INSRR: variants seen among roughly 807,000 people sequenced by gnomAD.
INSRR encodes insulin receptor-related protein.
Under a neutral mutation model 130.0 loss-of-function variants are expected in INSRR, and 114 were observed. The ratio of observed to expected loss-of-function variants is 0.88; its 90% CI spans 0.75 to 1.02. The LOEUF is 1.02. Among genes scored for constraint, INSRR ranks in the 50% least tolerant of loss-of-function variants. INSRR has a pLI of 0.00. For synonymous variants in INSRR, 674 were observed against 705.2 expected, an observed-to-expected ratio of 0.96 and a Z score of 0.70; for missense variants, 1,657 against 1,735.2, an observed-to-expected ratio of 0.95 and a Z score of 0.80.
chr1:156,840,810 G>T lies in INSRR; in HGVS notation c.*63C>A. Reference sequence around the variant, plus strand: ...TGGGGGTGAACATTCAGGCGTCTCAGCCACAGAGGTCGGGTCCCTTCCTGT... The same window carrying T: ...TGGGGGTGAACATTCAGGCGTCTCATCCACAGAGGTCGGGTCCCTTCCTGT... On this transcript the variant is annotated 3_prime_UTR_variant, in exon 22 of 22. Coordinates refer to ENST00000368195, the MANE Select transcript of INSRR (RefSeq NM_014215.3). 7.7e-7 allele frequency: 1 copy of T among 1,291,558 alleles called. No individual in the cohort carries two copies. Among genetic ancestry groups the T allele is most frequent in the East Asian group, 2.4e-5 (1 of 41,374 alleles). 80.0% of individuals were successfully genotyped at this position (1,291,558 alleles called of 1,614,324 possible). A position where few individuals can be genotyped will look rare whatever the true frequency, so the allele number is the denominator to read the frequency against.
chr1:156,851,615 G>A (rs756630128), intron 4 of INSRR, 31 bp downstream of exon 4: 1 of 1,614,004 alleles, frequency 6.2e-7, no homozygotes, highest in Non-Finnish European at 8.5e-7. Flanking sequence ...ATGACCAGGA[G>A]GAGGGGTGTG....
Position 156,848,958 on chromosome 1 carries a change from G to C in INSRR, c.1534C>G (p.Arg512Gly), listed in dbSNP as rs778994154. The change falls in exon 7 of 22, where the codon CGC becomes GGC. Residue 512 changes from arginine (R) to glycine (G), a missense_variant. By Grantham distance (125) the Arg-to-Gly change is moderately radical. Coordinates refer to ENST00000368195, the MANE Select transcript of INSRR (RefSeq NM_014215.3). ...TACACGATGAAGCTGAGCAGGTCGC[G>C]GGCCTCCAGTGGCTCATAGCGCTCC... Reference protein sequence around the residue: ...RWERYEPLEARDLLSFIVYYK... With the variant: ...RWERYEPLEAGDLLSFIVYYK... 1.2e-5 allele frequency: 19 copies of C among 1,600,460 alleles called. No individual in the cohort carries two copies. Among genetic ancestry groups the C allele is most frequent in the Non-Finnish European group, 1.6e-5 (19 of 1,174,134 alleles).
At chr1:156,849,787 CAGG>C in intron 5 of INSRR, among the ~76,000 whole-genome samples, 1 of 152,042 alleles carries the variant, frequency 6.6e-6, no homozygotes, top group Non-Finnish European at 1.5e-5. Flanking sequence ...TTGGAGACAC[CAGG>C]AGGAGTAGTA....
chr1:156,856,896 G>T (rs1197735081), intron 1 of INSRR, among the ~76,000 whole-genome samples: 1 of 152,016 alleles, frequency 6.6e-6, no homozygotes, highest in East Asian at 1.9e-4. Flanking sequence ...AGGACCTTCC[G>T]TGGCTCCCCA....
intron 2 of INSRR, among the ~76,000 whole-genome samples, chr1:156,852,938 C>T (rs1463446010): frequency 6.6e-6 from 1 of 152,086 alleles, no homozygotes; most frequent in East Asian, 1.9e-4. Context: ...AGGAGCTGAC[C>T]TCCAGGAGCT....
In INSRR at chr1:156,845,251, C is replaced by G. The variant is rs1170620833; in HGVS notation, c.2262G>C (p.Gly754=). The G allele has an allele frequency of 6.2e-7, 1 of 1,611,470 alleles. No individual in the cohort carries two copies. Among genetic ancestry groups the G allele is most frequent in the Admixed American group, 1.7e-5 (1 of 59,652 alleles). The change falls in exon 12 of 22, where the codon GGG becomes GGC. Residue 754 remains glycine (G), a synonymous_variant. Transcript: ENST00000368195. ...HRRAAGPLRL[G]GNSSDFEIQE... ...GGATCTCGAAATCCGAGCTGTTGCCCCCCAGCCGGAGGGGCCCAGCTGCCC... is the reference window on the plus strand; with the variant it reads ...GGATCTCGAAATCCGAGCTGTTGCCGCCCAGCCGGAGGGGCCCAGCTGCCC...
In INSRR at chr1:156,843,441, A is replaced by C; in HGVS notation, c.2882T>G (p.Phe961Cys). The change falls in exon 16 of 22, where the codon TTC (phenylalanine) becomes TGC (cysteine). Residue 961 changes from phenylalanine (F) to cysteine (C), a missense_variant. Coordinates refer to ENST00000368195, the MANE Select transcript of INSRR (RefSeq NM_014215.3). The stretch of plus-strand genomic sequence containing the variant: ...CCCAGACCTACTATCAGAGGCGCTG[A>C]AGTACTCTGGATTCACAGAAGCATA... Reference protein sequence around the residue: ...TLYASVNPEYFSASDMYVPDE... With the variant: ...TLYASVNPEYCSASDMYVPDE... 6.2e-7 allele frequency: 1 copy of C among 1,614,184 alleles called. No homozygotes were observed. The highest frequency in any genetic ancestry group is 8.5e-7 in the Non-Finnish European group (1 of 1,180,022).
At chr1:156,852,371 A>G (rs950211048) in intron 2 of INSRR, among the ~76,000 whole-genome samples, 180 bp from the exon 3 acceptor site, 13 of 152,178 alleles carry the variant, frequency 8.5e-5, no homozygotes, top group Admixed American at 8.5e-4. Flanking sequence ...GAGGACAAGG[A>G]CTGTGGCCGT....
At chr1:156,841,179 C>A in intron 21 of INSRR, 75 bp from the exon 22 acceptor site, 1 of 1,211,490 alleles carries the variant, frequency 8.3e-7, no homozygotes, top group South Asian at 1.3e-5. Flanking sequence ...CACTGAGGGT[C>A]AGTTGGTGGG....
chr1:156,856,413 C>A (rs1318898897), intron 1 of INSRR, among the ~76,000 whole-genome samples: 1 of 152,176 alleles, frequency 6.6e-6, no homozygotes, highest in East Asian at 1.9e-4. Context: ...AATTTGATTA[C>A]TCTTGAAAGG....
rs990358285 is a variant in INSRR at position 156,842,925 on chromosome 1, T to C, written c.3126+79A>G. ...TCTTGACCTTAATGGTGCCCTAACC[T>C]CATCTCTGACCCTTTCTTTCTTACC... On this transcript the variant is annotated intron_variant, in intron 17 of 21. Coordinates refer to ENST00000368195, the MANE Select transcript of INSRR (RefSeq NM_014215.3). 3.2e-5 allele frequency: 36 copies of C among 1,134,594 alleles called. No homozygotes were observed. The African/African-American group carries it at 4.3e-4, about 14-fold the overall frequency. 70.3% of individuals were successfully genotyped at this position (1,134,594 alleles called of 1,614,324 possible).
In INSRR at chr1:156,852,104, T is replaced by A; in HGVS notation, c.725A>T (p.Asp242Val). 1 of 1,613,526 alleles carries A rather than the reference T, an allele frequency of 6.2e-7. No homozygotes were observed. Among genetic ancestry groups the A allele is most frequent in the Non-Finnish European group, 8.5e-7 (1 of 1,179,936 alleles). The change falls in exon 3 of 22, where the codon GAC becomes GTC. Residue 242 changes from aspartate to valine, a missense_variant. Coordinates refer to ENST00000368195, the MANE Select transcript of INSRR (RefSeq NM_014215.3). The stretch of plus-strand genomic sequence containing the variant: ...GCGGCAAGCTACACAGGCACGAGGG[T>A]CTTCTGGCTGGCTGCAGCCCCCCAG... Reference protein sequence around the residue: ...ECLGGCSQPEDPRACVACRHL... With the variant: ...ECLGGCSQPEVPRACVACRHL...
rs758535120 is a variant in INSRR at position 156,844,545 on chromosome 1, T to C, written c.2654A>G (p.Asn885Ser). ...GGTTGCCCTAACCCTGGCAGAGTAGTTTCCAGGGGGCAGCAGGGCCAGGTG... is the reference window on the plus strand; with the variant it reads ...GGTTGCCCTAACCCTGGCAGAGTAGCTTCCAGGGGGCAGCAGGGCCAGGTG... ...GVHLALLPPG[N>S]YSARVRATSL... The change falls in exon 14 of 22, where the codon AAC (asparagine) becomes AGC (serine). Residue 885 changes from asparagine (N) to serine (S), a missense_variant. Asn to Ser is a conservative substitution (Grantham distance 46, BLOSUM62 1). Transcript: ENST00000368195. 1.4e-5 allele frequency: 22 copies of C among 1,614,026 alleles called. No individual in the cohort carries two copies. The highest frequency in any genetic ancestry group is 1.9e-5 in the Non-Finnish European group (22 of 1,180,032).
Position 156,842,405 on chromosome 1 carries a change from T to C in INSRR, c.3230A>G (p.Glu1077Gly). The change falls in exon 18 of 22, where the codon GAG (glutamate) becomes GGG (glycine). Residue 1077 changes from glutamate to glycine, a missense_variant. Transcript: ENST00000368195. ...LKSHLRSLRP[E>G]AENNPGLPQP... is the part of the protein sequence containing the mutation. ...GGTCTTCCTGGTCCCTACCTCTGCC[T>C]CAGGCCGCAAAGATCGAAGATGGCT... 6.2e-7 allele frequency: 1 copy of C among 1,613,892 alleles called. No homozygotes were observed. The highest frequency in any genetic ancestry group is 8.5e-7 in the Non-Finnish European group (1 of 1,179,858).
chr1:156,855,176 T>TTATCTATCTATCGATC (rs1655363812), intron 1 of INSRR, among the ~76,000 whole-genome samples: 1 of 143,462 alleles, frequency 7.0e-6, no homozygotes, highest in South Asian at 2.4e-4. Context: ...CCATCCAATT[T>TTATCTATCTATCGATC]TATCTATCTA....
rs756739852 is a variant in INSRR, at chr1:156,840,930, A to G, written c.3837T>C (p.Pro1279=). The G allele has an allele frequency of 6.2e-7, 1 of 1,614,094 alleles. No homozygotes were observed. Among genetic ancestry groups the G allele is most frequent in the South Asian group, 1.1e-5 (1 of 91,058 alleles). The part of the protein sequence containing the change: ...RGSLPTTDAE[P]DSSPTPRDCS... ...AGTCTCTTGGAGTGGGTGAGGAGTC[A>G]GGCTCTGCATCGGTGGTAGGCAGGG... Residue 1279 remains proline, a synonymous_variant, in exon 22 of 22, where the codon CCT becomes CCC. Transcript: ENST00000368195.
intron 16 of INSRR, 69 bp from the exon 17 acceptor site, chr1:156,843,302 T>G: frequency 6.4e-7 from 1 of 1,569,740 alleles, no homozygotes; most frequent in Admixed American, 1.7e-5. Flanking sequence ...CCAACTTCTC[T>G]TCTCCTCTTC....
In INSRR at chr1:156,843,117, C is replaced by T; in HGVS notation, c.3013G>A (p.Glu1005Lys). ...EGLARGLEAG[E>K]ESTPVALKTV... ...TTCAGGGCCACGGGTGTGGACTCCTCTCCAGCCTCAAGTCCTCGTGCCAGC... is the reference window on the plus strand; with the variant it reads ...TTCAGGGCCACGGGTGTGGACTCCTTTCCAGCCTCAAGTCCTCGTGCCAGC... Residue 1005 changes from glutamate (E) to lysine (K), a missense_variant, in exon 17 of 22, where the codon GAG becomes AAG. By Grantham distance (56) the Glu-to-Lys change is moderately conservative. Coordinates refer to ENST00000368195, the MANE Select transcript of INSRR (RefSeq NM_014215.3). 1 of 1,614,188 alleles carries T rather than the reference C, an allele frequency of 6.2e-7. No homozygotes were observed.
In INSRR at chr1:156,840,912, T is replaced by C. The variant is rs1463784919; in HGVS notation, c.3855A>G (p.Pro1285=). The change falls in exon 22 of 22, where the codon CCA becomes CCG. Residue 1285 remains proline (P), a synonymous_variant. Coordinates refer to ENST00000368195, the MANE Select transcript of INSRR (RefSeq NM_014215.3). ...TDAEPDSSPT[P]RDCSPQNGGP... is the part of the protein sequence containing the mutation. Reference sequence around the variant, plus strand: ...CCCCATTTTGAGGGCTGCAGTCTCTTGGAGTGGGTGAGGAGTCAGGCTCTG... The same window carrying C: ...CCCCATTTTGAGGGCTGCAGTCTCTCGGAGTGGGTGAGGAGTCAGGCTCTG... 1.2e-6 allele frequency: 2 copies of C among 1,613,802 alleles called. No homozygotes were observed. The highest frequency in any genetic ancestry group is 2.2e-5 in the East Asian group (1 of 44,864).
Sources: gnomAD v4.1 joint callset for allele counts (sites outside exome capture counted in the v4.1 genomes callset) on GRCh38, gnomAD v4.1.1 for gene constraint, MANE v1.5 for transcripts, NCBI Gene and HGNC (gene_info 2026-07-23, HGNC 2026-07-21) for gene names.